Variants in AGBL4 observed in about 807,000 individuals in gnomAD.
The protein encoded by AGBL4 is AGBL carboxypeptidase 4.
A neutral mutation model predicts 66.4 loss-of-function variants in AGBL4; 58 were observed. That is an observed-to-expected ratio of 0.87 (90% CI 0.71 to 1.09). The LOEUF is 1.09. Ranked by LOEUF, AGBL4 falls within the 50% of genes least tolerant of loss-of-function variation. AGBL4 has a pLI of 0.00. For missense variants in AGBL4, 579 were observed against 631.0 expected (o/e 0.92, Z 0.88); for synonymous variants, 234 against 222.9 (o/e 1.05, Z -0.44).
intron 5 of AGBL4, among the ~76,000 whole-genome samples, chr1:48,997,968 G>T (rs534340315): frequency 6.6e-6 from 1 of 152,252 alleles, no homozygotes; most frequent in Non-Finnish European, 1.5e-5. Context: ...TTCACAGTAA[G>T]TTTCTTTTTA....
At chr1:49,743,460 G>A (rs1331562485) in intron 2 of AGBL4, among the ~76,000 whole-genome samples, 1 of 152,228 alleles carries the variant, frequency 6.6e-6, no homozygotes, top group Non-Finnish European at 1.5e-5. Context: ...TGGTGGGACT[G>A]TAAACTAGTT....
At chr1:49,042,634 C>T (rs1643972773) in intron 5 of AGBL4, among the ~76,000 whole-genome samples, 1 of 152,136 alleles carries the variant, frequency 6.6e-6, no homozygotes, top group South Asian at 2.1e-4. Flanking sequence ...GGTTGAGGGC[C>T]ACATCCCAAG....
chr1:49,243,417 G>C (rs1227431395), intron 4 of AGBL4, among the ~76,000 whole-genome samples: 2 of 151,668 alleles, frequency 1.3e-5, no homozygotes, highest in African/African-American at 4.8e-5. Context: ...TCAAACCCTG[G>C]GAACATTTAG....
At chr1:49,936,781 G>A (rs1224359896) in intron 1 of AGBL4, among the ~76,000 whole-genome samples, 2 of 152,084 alleles carry the variant, frequency 1.3e-5, no homozygotes, top group African/African-American at 4.8e-5. Context: ...TTACAGACAA[G>A]CAAATGCTGA....
intron 2 of AGBL4, among the ~76,000 whole-genome samples, chr1:49,729,027 A>G (rs1649235414): frequency 2.0e-5 from 3 of 152,164 alleles, no homozygotes; most frequent in Admixed American, 2.0e-4. Flanking sequence ...CCATACAGAA[A>G]AGTGCACACA....
chr1:49,170,602 TATATATTA>T (rs1299601293), intron 4 of AGBL4, among the ~76,000 whole-genome samples: 2 of 147,926 alleles, frequency 1.4e-5, no homozygotes, highest in African/African-American at 4.9e-5. Context: ...CATAAACATT[TATATATTA>T]ATGTGTATAT....
chr1:48,600,548 T>G (rs574337984), intron 9 of AGBL4, among the ~76,000 whole-genome samples: 38 of 152,334 alleles, frequency 2.5e-4, no homozygotes, highest in African/African-American at 9.1e-4. Context: ...CTGTTGATAT[T>G]TATGCAGTAC....
intron 3 of AGBL4, among the ~76,000 whole-genome samples, chr1:49,622,314 G>C (rs1022123992): frequency 6.6e-6 from 1 of 152,174 alleles, no homozygotes; most frequent in African/African-American, 2.4e-5. Flanking sequence ...TTATGCCTCA[G>C]TTTTCTAGTT....
chr1:49,107,692 TG>T, intron 4 of AGBL4, among the ~76,000 whole-genome samples: 1 of 117,832 alleles, frequency 8.5e-6, no homozygotes, highest in Non-Finnish European at 1.7e-5. Context: ...TGTGTGTGTG[TG>T]TGAGAGAGAG....
chr1:50,008,051 T>C (rs1557656647), intron 1 of AGBL4, among the ~76,000 whole-genome samples: 1 of 151,108 alleles, frequency 6.6e-6, no homozygotes, highest in African/African-American at 2.5e-5. Context: ...GTTGAAGAGA[T>C]AGATAGACCC....
intron 2 of AGBL4, among the ~76,000 whole-genome samples, chr1:49,836,194 C>T (rs1312630211): frequency 1.3e-5 from 2 of 152,146 alleles, no homozygotes; most frequent in African/African-American, 4.8e-5. Flanking sequence ...TCCATTCTCC[C>T]CATCACTTTC....
chr1:48,938,142 G>A (rs1655635741), intron 5 of AGBL4, among the ~76,000 whole-genome samples: 1 of 152,216 alleles, frequency 6.6e-6, no homozygotes, highest in African/African-American at 2.4e-5. Context: ...CTGTTTAAGT[G>A]ATTTACCAAT....
At chr1:49,119,058 T>G (rs1645594633) in intron 4 of AGBL4, among the ~76,000 whole-genome samples, 3 of 152,228 alleles carry the variant, frequency 2.0e-5, no homozygotes, top group African/African-American at 7.2e-5. Flanking sequence ...CTTTATCATT[T>G]TTTATTGCAT....
intron 3 of AGBL4, among the ~76,000 whole-genome samples, chr1:49,461,041 A>G (rs1410606379): frequency 6.6e-6 from 1 of 151,548 alleles, no homozygotes; most frequent in Non-Finnish European, 1.5e-5. Context: ...TCTTTCCTTC[A>G]TCTTGACTTT....
intron 3 of AGBL4, among the ~76,000 whole-genome samples, chr1:49,453,339 A>T (rs1646319916): frequency 6.6e-6 from 1 of 151,738 alleles, no homozygotes. Flanking sequence ...CTCTATAATG[A>T]CTCTTTCACA....
At chr1:48,574,378 C>A (rs557815555) in intron 11 of AGBL4, among the ~76,000 whole-genome samples, 175 of 152,264 alleles carry the variant, frequency 1.1e-3, no homozygotes, top group Non-Finnish European at 2.0e-3. Context: ...TAATACTCAT[C>A]TCTACGGATT....
chr1:49,929,465 A>G (rs948669727), intron 1 of AGBL4, among the ~76,000 whole-genome samples: 2 of 152,188 alleles, frequency 1.3e-5, no homozygotes, highest in Non-Finnish European at 2.9e-5. Context: ...AAAAATAAAA[A>G]CTAGAATTAT....
chr1:48,624,895 TG>T (rs1645474602), intron 9 of AGBL4, among the ~76,000 whole-genome samples: 1 of 121,344 alleles, frequency 8.2e-6, no homozygotes, highest in Admixed American at 7.5e-5. Context: ...TCCAGGTGTG[TG>T]TGTGTGTGTG....
chr1:49,444,634 T>C (rs1570732575), intron 3 of AGBL4, among the ~76,000 whole-genome samples: 1 of 152,056 alleles, frequency 6.6e-6, no homozygotes, highest in Non-Finnish European at 1.5e-5. Flanking sequence ...GAGTATCTTT[T>C]TCCATCCCTT....
Sources: gnomAD v4.1 joint callset for allele counts (sites outside exome capture counted in the v4.1 genomes callset) on GRCh38, gnomAD v4.1.1 for gene constraint, MANE v1.5 for transcripts, NCBI Gene and HGNC (gene_info 2026-07-23, HGNC 2026-07-21) for gene names.